Variants in SKAP2 observed in about 807,000 individuals in gnomAD.
SKAP2 encodes src kinase associated phosphoprotein 2.
SKAP2 carries 28 observed loss-of-function variants against 54.9 expected under a neutral mutation model. The observed-to-expected ratio is 0.51, with a 90% CI of 0.38 to 0.70. The LOEUF is 0.70. Ranked by LOEUF, SKAP2 falls within the 30% of genes least tolerant of loss-of-function variation. SKAP2 has a pLI of 0.00. For synonymous variants in SKAP2, 137 were observed against 134.3 expected (o/e 1.02, Z -0.14); for missense variants, 356 against 424.1 (o/e 0.84, Z 1.41).
intron 4 of SKAP2, among the ~76,000 whole-genome samples, chr7:26,780,535 C>G (rs921820287): frequency 1.3e-5 from 2 of 151,956 alleles, no homozygotes; most frequent in African/African-American, 4.8e-5. Context: ...ATGATTGTGT[C>G]CCAATAAAAC....
chr7:26,656,139 C>T, the SKAP2 span, among the ~76,000 whole-genome samples: 1 of 152,190 alleles, frequency 6.6e-6, no homozygotes, highest in Non-Finnish European at 1.5e-5. Flanking sequence ...GTAAATGCCG[C>T]AATTTACTGC....
At chr7:26,770,078 T>A (rs541135989) in intron 4 of SKAP2, among the ~76,000 whole-genome samples, 11 of 152,174 alleles carry the variant, frequency 7.2e-5, no homozygotes, top group South Asian at 2.1e-4. Flanking sequence ...AGGTGCTCTA[T>A]CCCAGGGAGA....
chr7:26,800,254 T>A (rs969492968), intron 4 of SKAP2, among the ~76,000 whole-genome samples: 2 of 152,094 alleles, frequency 1.3e-5, no homozygotes, highest in African/African-American at 4.8e-5. Context: ...AATTAAACAG[T>A]ATACTCTTGA....
intron 4 of SKAP2, among the ~76,000 whole-genome samples, chr7:26,827,341 C>T (rs1209510166): frequency 6.6e-6 from 1 of 152,146 alleles, no homozygotes; most frequent in Non-Finnish European, 1.5e-5. Flanking sequence ...TTACCCTTTT[C>T]TCTAGATATT....
intron 4 of SKAP2, among the ~76,000 whole-genome samples, chr7:26,802,506 G>A (rs902207663): frequency 1.3e-5 from 2 of 151,978 alleles, no homozygotes; most frequent in Non-Finnish European, 2.9e-5. Flanking sequence ...CCCGACCTCA[G>A]GTGATCTGCC....
At chr7:26,701,592 G>C (rs766203587) in intron 9 of SKAP2, among the ~76,000 whole-genome samples, 1 of 152,066 alleles carries the variant, frequency 6.6e-6, no homozygotes, top group African/African-American at 2.4e-5. Context: ...AATTAGCCAG[G>C]TGTGGTGGTG....
intron 4 of SKAP2, among the ~76,000 whole-genome samples, chr7:26,808,847 A>G (rs538315659): frequency 6.6e-6 from 1 of 152,348 alleles, no homozygotes; most frequent in African/African-American, 2.4e-5. Context: ...TAAAAATATT[A>G]GAAGAAAACA....
At chr7:26,733,864 G>A (rs1004402923) in intron 6 of SKAP2, among the ~76,000 whole-genome samples, 7 of 152,088 alleles carry the variant, frequency 4.6e-5, no homozygotes, top group African/African-American at 1.4e-4. Context: ...TTTACTAGAC[G>A]GTGCTAGTGT....
intron 4 of SKAP2, among the ~76,000 whole-genome samples, chr7:26,756,583 TG>T (rs1782798777): frequency 6.6e-6 from 1 of 152,228 alleles, no homozygotes. Flanking sequence ...CTATCATCGA[TG>T]GACATTTGCA....
intron 4 of SKAP2, among the ~76,000 whole-genome samples, chr7:26,808,002 C>A (rs1404707728): frequency 6.6e-6 from 1 of 152,084 alleles, no homozygotes; most frequent in Non-Finnish European, 1.5e-5. Context: ...AATCAAAAAA[C>A]TCATGAATTG....
intron 4 of SKAP2, among the ~76,000 whole-genome samples, chr7:26,819,171 C>T (rs1269427484): frequency 1.3e-5 from 2 of 152,106 alleles, no homozygotes; most frequent in African/African-American, 4.8e-5. Context: ...TGGAACCAAC[C>T]CAAATGCCCA....
At chr7:26,717,518 A>C (rs1160652583) in intron 9 of SKAP2, among the ~76,000 whole-genome samples, 1 of 115,336 alleles carries the variant, frequency 8.7e-6, no homozygotes, top group Admixed American at 8.7e-5. Context: ...TCAAAAAAAA[A>C]AAAAAAAAAA....
At chr7:26,724,517 T>G (rs1316264953) in intron 9 of SKAP2, among the ~76,000 whole-genome samples, 1 of 152,194 alleles carries the variant, frequency 6.6e-6, no homozygotes, top group Admixed American at 6.5e-5. Context: ...TGGAACATTT[T>G]AAGTATTTTT....
chr7:26,818,243 T>C (rs1338433381), intron 4 of SKAP2, among the ~76,000 whole-genome samples: 2 of 152,016 alleles, frequency 1.3e-5, no homozygotes, highest in Non-Finnish European at 1.5e-5. Context: ...AACAGATACA[T>C]AGACCAACGG....
rs1786151434 is a variant in SKAP2, at chr7:26,668,313, T to A, written c.*1353A>T. Reference sequence around the variant, plus strand: ...TAATTATCTAACCAGCAATGCATTTTGACATATGTTAAGGCTACATTGGTA... The same window carrying A: ...TAATTATCTAACCAGCAATGCATTTAGACATATGTTAAGGCTACATTGGTA... On this transcript the variant is annotated 3_prime_UTR_variant, in exon 13 of 13. Coordinates refer to ENST00000345317, the MANE Select transcript of SKAP2 (RefSeq NM_003930.5). 6.6e-6 allele frequency: 1 copy of A among 152,224 alleles called. No individual in the cohort carries two copies. The highest frequency in any genetic ancestry group is 2.4e-5 in the African/African-American group (1 of 41,460). 9.4% of individuals were successfully genotyped at this position (152,224 alleles called of 1,614,324 possible). A position where few individuals can be genotyped will look rare whatever the true frequency, so the allele number is the denominator to read the frequency against.
At chr7:26,730,362 G>A (rs1250981067) in intron 6 of SKAP2, among the ~76,000 whole-genome samples, 2 of 152,148 alleles carry the variant, frequency 1.3e-5, no homozygotes, top group African/African-American at 4.8e-5. Flanking sequence ...CACTGTGAAA[G>A]ACTAATATTT....
intron 3 of SKAP2, among the ~76,000 whole-genome samples, chr7:26,851,923 A>G (rs2127997982): frequency 6.6e-6 from 1 of 152,194 alleles, no homozygotes; most frequent in South Asian, 2.1e-4. Context: ...AGAACTCTCT[A>G]CCTGGTCCTT....
intron 4 of SKAP2, among the ~76,000 whole-genome samples, chr7:26,750,581 G>T (rs1782660123): frequency 6.6e-6 from 1 of 152,000 alleles, no homozygotes. Flanking sequence ...AAAGTGCTAG[G>T]ATTATAGGTG....
chr7:26,691,346 T>A (rs1778444402), intron 9 of SKAP2, among the ~76,000 whole-genome samples: 1 of 152,154 alleles, frequency 6.6e-6, no homozygotes, highest in African/African-American at 2.4e-5. Flanking sequence ...AGGATTTGCA[T>A]ACAAACCTAG....
Sources: allele counts gnomAD v4.1 joint callset (sites outside exome capture counted in the v4.1 genomes callset), GRCh38; gene constraint gnomAD v4.1.1; transcripts MANE v1.5; gene names NCBI Gene and HGNC (gene_info 2026-07-23, HGNC 2026-07-21).